The following TTN variants were observed in gnomAD, a reference collection of about 807,000 sequenced individuals.
TTN encodes the protein titin.
A neutral mutation model predicts 3,223.0 loss-of-function variants in TTN; 1,525 were observed. The observed-to-expected ratio is 0.47, with a 90% confidence interval of 0.45 to 0.49. The LOEUF (loss-of-function observed/expected upper bound fraction) is 0.49. Among genes scored for constraint, TTN ranks in the 20% least tolerant of loss-of-function variants. The pLI, the probability that TTN is intolerant of heterozygous loss-of-function variation, is 0.00. For synonymous variants in TTN, 14,094 were observed against 15,161.0 expected (o/e 0.93, Z 5.17); for missense variants, 40,786 against 43,424.0 (o/e 0.94, Z 5.40).
Position 178,572,660 on chromosome 2 carries a change from C to G in TTN, c.73472G>C (p.Arg24491Thr). Reference protein sequence around the residue: ...YTLLIVGNVNRFDSGKYILTV... With the variant: ...YTLLIVGNVNTFDSGKYILTV... ...TAGTATATATTTGCCACTGTCAAAT[C>G]TGTTTACATTTCCAACAATAAGCAG... The change falls in exon 326 of 363, where the codon AGA (arginine) becomes ACA (threonine). Residue 24491 changes from arginine to threonine, a missense_variant. Physicochemically the swap from Arg to Thr is moderately conservative, Grantham distance 71. Coordinates refer to ENST00000589042, the MANE Select transcript of TTN (RefSeq NM_001267550.2). 1 of 1,613,018 alleles carries G rather than the reference C, an allele frequency of 6.2e-7. No individual in the cohort carries two copies. Among genetic ancestry groups the G allele is most frequent in the Non-Finnish European group, 8.5e-7 (1 of 1,179,328 alleles).
intron 261 of TTN, 52 bp from the exon 262 acceptor site, chr2:178,614,400 AT>A: frequency 1.3e-6 from 2 of 1,576,084 alleles, no homozygotes; most frequent in Admixed American, 2.1e-5. Context: ...CATTTTTTTT[AT>A]TTTTTTCTTT....
rs794729598 is a variant in TTN at position 178,746,444 on chromosome 2, T to C, written c.11312-4523A>G. The C allele has an allele frequency of 1.2e-6, 2 of 1,611,960 alleles. No individual in the cohort carries two copies. Among genetic ancestry groups the C allele is most frequent in the Non-Finnish European group, 1.7e-6 (2 of 1,178,978 alleles). On this transcript the variant is annotated intron_variant, in intron 47 of 362. Coordinates refer to ENST00000589042, the MANE Select transcript of TTN (RefSeq NM_001267550.2). ...CTGCTTCTCAAATTCTTTAACGTCT[T>C]TTTCACTTAATTCAACTTCCAGGAC...
chr2:178,702,141 G>A, intron 108 of TTN, 27 bp downstream of exon 108: 1 of 1,613,608 alleles, frequency 6.2e-7, no homozygotes, highest in East Asian at 2.2e-5. Context: ...AAGATGGCAG[G>A]GTGGCTTTCT....
Position 178,573,441 on chromosome 2 carries a change from C to A in TTN, c.72691G>T (p.Val24231Leu). Residue 24231 changes from valine (V) to leucine (L), a missense_variant, in exon 326 of 363, where the codon GTG becomes TTG. Physicochemically the swap from Val to Leu is conservative, Grantham distance 32. Transcript: ENST00000589042. The part of the protein sequence containing the change: ...GPPDPPKNPE[V>L]TTITKDSMVV... The stretch of plus-strand genomic sequence containing the variant: ...ATCGAATCTTTAGTAATAGTTGTCA[C>A]TTCAGGGTTTTTGGGCGGATCAGGG... The A allele has an allele frequency of 6.6e-7, 1 of 1,517,552 alleles. No homozygotes were observed. Among genetic ancestry groups the A allele is most frequent in the African/African-American group, 1.4e-5 (1 of 71,796 alleles). The allele number at this position is 1,517,552 out of a possible 1,614,324, so 94.0% of individuals were successfully genotyped here.
In TTN at chr2:178,624,477, G is replaced by C. The variant is rs1230286076; in HGVS notation, c.44803C>G (p.Leu14935Val). The change falls in exon 242 of 363, where the codon CTG becomes GTG. Residue 14935 changes from leucine (L) to valine (V), a missense_variant. By Grantham distance (32) the Leu-to-Val change is conservative. Coordinates refer to ENST00000589042, the MANE Select transcript of TTN (RefSeq NM_001267550.2). ...GAAGAATACTTACGCACGACATTCA[G>C]GTTACAGGAAGTCTTAAAATCCTTA... ...DAKDFKTSCN[L>V]NVVPPHVEFL... 1 of 1,612,288 alleles carries C rather than the reference G, an allele frequency of 6.2e-7. No homozygotes were observed. Among genetic ancestry groups the C allele is most frequent in the Non-Finnish European group, 8.5e-7 (1 of 1,178,936 alleles).
chr2:178,605,749 G>C, intron 278 of TTN, 36 bp from the exon 279 acceptor site: 1 of 1,405,292 alleles, frequency 7.1e-7, no homozygotes, highest in Non-Finnish European at 9.4e-7. Flanking sequence ...ATTAGCATGA[G>C]ATAAATATTC....
chr2:178,582,798 G>T, intron 313 of TTN, 142 bp downstream of exon 313: 10 of 918,862 alleles, frequency 1.1e-5, no homozygotes, highest in Non-Finnish European at 1.2e-5. Flanking sequence ...ACTCTAAAAC[G>T]TGGTTCTGTC....
chr2:178,684,930 T>G lies in TTN; in HGVS notation c.32530A>C (p.Lys10844Gln). 1 of 1,608,998 alleles carries G rather than the reference T, an allele frequency of 6.2e-7. No homozygotes were observed. The highest frequency in any genetic ancestry group is 8.5e-7 in the Non-Finnish European group (1 of 1,177,402). ...EKKVPAPVPK[K>Q]EKVPPPKVPE... ...CCTTTAGGTGGGGGCACCTTTTCCT[T>G]TTTAGGAACTGGAGCAGGAACTTTC... is the stretch of plus-strand genomic sequence containing the variant. The change falls in exon 130 of 363, where the codon AAG becomes CAG. Residue 10844 changes from lysine to glutamine, a missense_variant. Physicochemically the swap from Lys to Gln is moderately conservative, Grantham distance 53 (BLOSUM62 1). Transcript: ENST00000589042.
intron 47 of TTN, chr2:178,745,547 C>A: frequency 1.2e-6 from 2 of 1,609,508 alleles, no homozygotes; most frequent in South Asian, 2.2e-5. Context: ...GCACTCAGAT[C>A]AATGCTAATA....
In TTN at chr2:178,756,299, T is replaced by C. The variant is rs548947930; in HGVS notation, c.11177A>G (p.Asp3726Gly). The C allele has an allele frequency of 2.5e-6, 4 of 1,613,724 alleles. No individual in the cohort carries two copies. The highest frequency in any genetic ancestry group is 3.4e-6 in the Non-Finnish European group (4 of 1,179,736). ...FLTICNVQLV[D>G]QGLYSCIVHN... Reference sequence around the variant, plus strand: ...TACAATGCAGCTGTATAGTCCTTGGTCTACCAGCTGAACATTACATATGGT... The same window carrying C: ...TACAATGCAGCTGTATAGTCCTTGGCCTACCAGCTGAACATTACATATGGT... The change falls in exon 46 of 363, where the codon GAC (aspartate) becomes GGC (glycine). Residue 3726 changes from aspartate to glycine, a missense_variant. Coordinates refer to ENST00000589042, the MANE Select transcript of TTN (RefSeq NM_001267550.2).
rs1412010751 is a variant in TTN at position 178,616,554 on chromosome 2, AGGT to A, written c.48234_48236del (p.Pro16079del). ...TTAACGGACTTCCTCCATCATCATC[AGGT>A]GGTTCCCAAGTCAAATGTACTGAGT... On this transcript the variant is annotated inframe_deletion, in exon 257 of 363. Coordinates refer to ENST00000589042, the MANE Select transcript of TTN (RefSeq NM_001267550.2). 3.7e-6 allele frequency: 6 copies of A among 1,612,306 alleles called. No homozygotes were observed. The Admixed American group carries it at 8.3e-5, about 22-fold the overall frequency.
rs1180216660 is a variant in TTN, at chr2:178,732,215, T to G, written c.16754A>C (p.Lys5585Thr). ...AGACATTCTGTGTTTGCTGCTCTCC[T>G]TAATTTCTCTATCATTTGCAAACCA... Reference protein sequence around the residue: ...ITWFANDREIKESSKHRMSFV... With the variant: ...ITWFANDREITESSKHRMSFV... The change falls in exon 57 of 363, where the codon AAG (lysine) becomes ACG (threonine). Residue 5585 changes from lysine (K) to threonine (T), a missense_variant. Physicochemically the swap from Lys to Thr is moderately conservative, Grantham distance 78 (BLOSUM62 -1). Coordinates refer to ENST00000589042, the MANE Select transcript of TTN (RefSeq NM_001267550.2). The G allele has an allele frequency of 2.5e-6, 4 of 1,613,754 alleles. No individual in the cohort carries two copies. In the East Asian group the frequency reaches 8.9e-5, roughly 36 times the overall value.
Position 178,576,996 on chromosome 2 carries a change from C to T in TTN, c.69339G>A (p.Arg23113=), listed in dbSNP as rs1268953134. ...TGCCATAGTGGTTTACAGCTGAGACCCGGAAGATGTACTCATTTCCTTGGA... is the reference window on the plus strand; with the variant it reads ...TGCCATAGTGGTTTACAGCTGAGACTCGGAAGATGTACTCATTTCCTTGGA... ...KLIQGNEYIF[R]VSAVNHYGKG... The change falls in exon 324 of 363, where the codon CGG becomes CGA. Residue 23113 remains arginine, a synonymous_variant. Transcript: ENST00000589042. This position sits in a 1 kb window ranked among gnomAD's most constrained non-coding sequence, Gnocchi z 4.3. 3 of 1,613,324 alleles carry T rather than the reference C, an allele frequency of 1.9e-6. No individual in the cohort carries two copies. The highest frequency in any genetic ancestry group is 2.7e-5 in the African/African-American group (2 of 74,868).
intron 47 of TTN, chr2:178,745,454 T>C: frequency 1.3e-6 from 2 of 1,492,114 alleles, no homozygotes; most frequent in South Asian, 1.3e-5. Context: ...ATTATTTCTT[T>C]AGGGGTCTCC....
chr2:178,532,408 T>C lies in TTN; in HGVS notation c.104207A>G (p.Lys34736Arg). Residue 34736 changes from lysine (K) to arginine (R), a missense_variant, in exon 358 of 363, where the codon AAG becomes AGG. Transcript: ENST00000589042. Reference sequence around the variant, plus strand: ...TGCATAACTTGTACTAGCTTCAGCCTTCGTTGGGATGTGATAGGTTGAATA... The same window carrying C: ...TGCATAACTTGTACTAGCTTCAGCCCTCGTTGGGATGTGATAGGTTGAATA... ...FRYSTYHIPTKAEASTSYAEL... is the reference protein window; with the variant it reads ...FRYSTYHIPTRAEASTSYAEL... The C allele has an allele frequency of 1.2e-6, 2 of 1,614,004 alleles. No individual in the cohort carries two copies. Among genetic ancestry groups the C allele is most frequent in the African/African-American group, 1.3e-5 (1 of 75,044 alleles).
chr2:178,738,109 T>C lies in TTN; in HGVS notation c.14344A>G (p.Ser4782Gly). The C allele has an allele frequency of 1.4e-5, 22 of 1,613,720 alleles. No individual in the cohort carries two copies. Among genetic ancestry groups the C allele is most frequent in the Non-Finnish European group, 1.9e-5 (22 of 1,179,680 alleles). The change falls in exon 49 of 363, where the codon AGC becomes GGC. Residue 4782 changes from serine to glycine, a missense_variant. Physicochemically the swap from Ser to Gly is moderately conservative, Grantham distance 56 (BLOSUM62 0). Coordinates refer to ENST00000589042, the MANE Select transcript of TTN (RefSeq NM_001267550.2). Reference protein sequence around the residue: ...CKASNEYGSVSCTATLTVTEA... With the variant: ...CKASNEYGSVGCTATLTVTEA... The stretch of plus-strand genomic sequence containing the variant: ...GTCACAGTTAGTGTGGCTGTACAGC[T>C]GACACTGCCATACTCATTGGAAGCT...
rs768115158 is a variant in TTN at position 178,575,278 on chromosome 2, T to C, written c.70854A>G (p.Glu23618=). The part of the protein sequence containing the change: ...VNSAGRSAPR[E]SRPVIVKEQT... ...GCTCCTTGACAATGACGGGTCTGCT[T>C]TCTCTAGGGGCACTTCTCCCCGCGC... Residue 23618 remains glutamate, a synonymous_variant, in exon 326 of 363, where the codon GAA becomes GAG. Coordinates refer to ENST00000589042, the MANE Select transcript of TTN (RefSeq NM_001267550.2). This position sits in a 1 kb window ranked among gnomAD's most constrained non-coding sequence, Gnocchi z 4.0. The C allele has an allele frequency of 2.5e-6, 4 of 1,613,374 alleles. No homozygotes were observed. Among genetic ancestry groups the C allele is most frequent in the Non-Finnish European group, 3.4e-6 (4 of 1,179,594 alleles).
chr2:178,748,385 G>A lies in TTN; in HGVS notation c.11311+4739C>T, dbSNP rs551658963. Reference sequence around the variant, plus strand: ...TTGACTGGAAGAAATTTCTTGACTGGCAAATACATTATTTTGCACACTTTT... The same window carrying A: ...TTGACTGGAAGAAATTTCTTGACTGACAAATACATTATTTTGCACACTTTT... On this transcript the variant is annotated intron_variant, in intron 47 of 362. Coordinates refer to ENST00000589042, the MANE Select transcript of TTN (RefSeq NM_001267550.2). 142 of 1,613,072 alleles carry A rather than the reference G, an allele frequency of 8.8e-5. No homozygotes were observed. In the East Asian group the frequency reaches 3.1e-3, roughly 35 times the overall value.
At position 178,714,298 on chromosome 2, in the gene TTN, C is replaced by T. The variant is rs200116046; in HGVS notation, c.26476G>A (p.Val8826Ile). The part of the protein sequence containing the change: ...GMQECFATLS[V>I]LEPATIVEKP... ...ACATCATCTTTTTACTAACCGAGAA[C>T]GGATAGCGTGGCGAAGCACTCTTGC... is the stretch of plus-strand genomic sequence containing the variant. Residue 8826 changes from valine (V) to isoleucine (I), a missense_variant, in exon 91 of 363, where the codon GTT (valine) becomes ATT (isoleucine). Val to Ile is a conservative substitution (Grantham distance 29). Coordinates refer to ENST00000589042, the MANE Select transcript of TTN (RefSeq NM_001267550.2). 4 of 1,611,620 alleles carry T rather than the reference C, an allele frequency of 2.5e-6. No individual in the cohort carries two copies. The highest frequency in any genetic ancestry group is 1.1e-5 in the South Asian group (1 of 90,974).
Sources: gnomAD v4.1 joint callset for allele counts on GRCh38, gnomAD v4.1.1 for gene constraint, Gnocchi (gnomAD v3.1) non-coding constraint, MANE v1.5 for transcripts, NCBI Gene and HGNC (gene_info 2026-07-23, HGNC 2026-07-21) for gene names.